Variants in BRINP1 observed in about 807,000 individuals in gnomAD.
BRINP1 encodes the protein BMP/retinoic acid inducible neural specific 1.
In BRINP1, 17 loss-of-function variants were observed where a neutral mutation model predicts 72.9. The ratio of observed to expected loss-of-function variants is 0.23; its 90% confidence interval spans 0.16 to 0.35. BRINP1 has a LOEUF of 0.35. Ranked by LOEUF, BRINP1 falls within the 10% of genes least tolerant of loss-of-function variation. BRINP1 has a pLI of 1.00. For synonymous variants in BRINP1, 418 were observed against 378.5 expected, an observed-to-expected ratio of 1.10 and a Z score of -1.21; for missense variants, 850 against 1,001.6, an observed-to-expected ratio of 0.85 and a Z score of 2.04.
Position 119,214,027 on chromosome 9 carries a change from C to G in BRINP1, c.814G>C (p.Glu272Gln). Reference sequence around the variant, plus strand: ...ATGGGGCAGTTGCACTGCGGAAACTCCTCGGCACATTGGCAGCGACACTGG... The same window carrying G: ...ATGGGGCAGTTGCACTGCGGAAACTGCTCGGCACATTGGCAGCGACACTGG... The part of the protein sequence containing the change: ...NSQCRCQCAE[E>Q]FPQCNCPITD... Residue 272 changes from glutamate to glutamine, a missense_variant, in exon 6 of 8, where the codon GAG (glutamate) becomes CAG (glutamine). Transcript: ENST00000265922. 6.2e-7 allele frequency: 1 copy of G among 1,614,156 alleles called. No homozygotes were observed. Among genetic ancestry groups the G allele is most frequent in the Non-Finnish European group, 8.5e-7 (1 of 1,180,022 alleles).
chr9:119,323,444 T>C (rs190780954), intron 1 of BRINP1, among the ~76,000 whole-genome samples: 1 of 152,264 alleles, frequency 6.6e-6, no homozygotes, highest in Non-Finnish European at 1.5e-5. Context: ...GAGGTTGCTT[T>C]CAATCCTGAC....
At chr9:119,215,599 T>G (rs1829969167) in intron 5 of BRINP1, among the ~76,000 whole-genome samples, 1 of 152,240 alleles carries the variant, frequency 6.6e-6, no homozygotes, top group Non-Finnish European at 1.5e-5. Flanking sequence ...AGGTCAGCAT[T>G]TCTTCCATTT....
intron 7 of BRINP1, among the ~76,000 whole-genome samples, chr9:119,171,789 A>G (rs1335940503): frequency 8.5e-6 from 1 of 117,948 alleles, no homozygotes; most frequent in African/African-American, 3.8e-5. Context: ...TATCTCTCAG[A>G]CCACAGTGCA....
chr9:119,182,198 A>C (rs1829565038), intron 7 of BRINP1, among the ~76,000 whole-genome samples: 1 of 152,386 alleles, frequency 6.6e-6, no homozygotes, highest in Non-Finnish European at 1.5e-5. Context: ...AAATGAAAAA[A>C]GTAAAACAAC....
chr9:119,234,082 T>C (rs1830171068), intron 5 of BRINP1, among the ~76,000 whole-genome samples: 1 of 152,328 alleles, frequency 6.6e-6, no homozygotes, highest in Non-Finnish European at 1.5e-5. Flanking sequence ...GTTGGAGTTA[T>C]TTGAAATAGA....
intron 2 of BRINP1, among the ~76,000 whole-genome samples, chr9:119,268,690 C>A (rs559145465): frequency 8.5e-5 from 13 of 152,276 alleles, no homozygotes; most frequent in Admixed American, 3.9e-4. Context: ...TTCTCCAGGC[C>A]TCGGCCCTTT....
At chr9:119,355,552 C>G (rs1034070158) in intron 1 of BRINP1, among the ~76,000 whole-genome samples, 1 of 151,984 alleles carries the variant, frequency 6.6e-6, no homozygotes, top group Non-Finnish European at 1.5e-5. Context: ...CATGGTAAAA[C>G]CCCATCTCTA....
chr9:119,251,097 G>C (rs910379854), intron 2 of BRINP1, among the ~76,000 whole-genome samples: 2 of 152,184 alleles, frequency 1.3e-5, no homozygotes, highest in Admixed American at 6.5e-5. Context: ...GTCTGTGTCT[G>C]AGTAAGAAAT....
At chr9:119,314,102 C>T (rs1448796716) in intron 1 of BRINP1, among the ~76,000 whole-genome samples, 2 of 152,210 alleles carry the variant, frequency 1.3e-5, no homozygotes, top group Non-Finnish European at 2.9e-5. Flanking sequence ...GTCTCCCAAA[C>T]CCAAAGAAAC....
At chr9:119,276,524 T>C (rs1830659673) in intron 2 of BRINP1, among the ~76,000 whole-genome samples, 1 of 152,222 alleles carries the variant, frequency 6.6e-6, no homozygotes, top group Non-Finnish European at 1.5e-5. Context: ...TATTTGTAAT[T>C]ACTGCAGAAG....
chr9:119,358,031 GCAAAT>G (rs1831586534), intron 1 of BRINP1, among the ~76,000 whole-genome samples: 1 of 152,146 alleles, frequency 6.6e-6, no homozygotes, highest in African/African-American at 2.4e-5. Flanking sequence ...ATATCTTGGG[GCAAAT>G]CCTTTTACCT....
chr9:119,175,497 G>GTATCCCAAAACTTAGAGTA (rs1829477089), intron 7 of BRINP1, among the ~76,000 whole-genome samples: 1 of 151,938 alleles, frequency 6.6e-6, no homozygotes, highest in Non-Finnish European at 1.5e-5. Context: ...TTCTGCACAT[G>GTATCCCAAAACTTAGAGTA]TATCCCAAAA....
intron 7 of BRINP1, among the ~76,000 whole-genome samples, chr9:119,205,265 C>G (rs2118867305): frequency 6.6e-6 from 1 of 152,272 alleles, no homozygotes; most frequent in South Asian, 2.1e-4. Flanking sequence ...GCTCCTACCC[C>G]TCGGTACCTA....
At chr9:119,339,030 G>T (rs2119020959) in intron 1 of BRINP1, among the ~76,000 whole-genome samples, 1 of 152,348 alleles carries the variant, frequency 6.6e-6, no homozygotes, top group Admixed American at 6.5e-5. Context: ...GGCACTAAAT[G>T]AGAGGGGAAG....
intron 7 of BRINP1, among the ~76,000 whole-genome samples, chr9:119,170,509 T>C (rs973050675): frequency 2.3e-4 from 35 of 152,074 alleles, no homozygotes; most frequent in Admixed American, 1.6e-3. Flanking sequence ...ATCTGATTGG[T>C]GTACCTGAAA....
At position 119,184,382 on chromosome 9, in the gene BRINP1, G is replaced by A. The variant is rs78821410; in HGVS notation, c.1146-16158C>T. Among the ~76,000 whole-genome samples the A allele has an allele frequency of 4.7e-3, 712 of 152,200 alleles. 8 individuals carry two copies. The highest frequency in any genetic ancestry group is 0.016 in the African/African-American group (672 of 41,520). ...TTTCCTGCCCATAAATAGAAAGAAA[G>A]TTCCGAAGATATTCTCAGCTAAAAG... On this transcript the variant is annotated intron_variant, in intron 7 of 7. Transcript: ENST00000265922.
At chr9:119,326,695 A>G (rs1015032856) in intron 1 of BRINP1, among the ~76,000 whole-genome samples, 2 of 152,192 alleles carry the variant, frequency 1.3e-5, no homozygotes, top group African/African-American at 2.4e-5. Flanking sequence ...ATTGTAGGCC[A>G]GTTTGCTACA....
intron 5 of BRINP1, among the ~76,000 whole-genome samples, chr9:119,237,808 C>G (rs901880503): frequency 3.3e-5 from 5 of 151,844 alleles, no homozygotes; most frequent in African/African-American, 2.4e-5. Flanking sequence ...ACTATAGGCG[C>G]ACACCACCGC....
chr9:119,307,694 G>A (rs978951481), intron 2 of BRINP1, among the ~76,000 whole-genome samples: 9 of 152,206 alleles, frequency 5.9e-5, no homozygotes, highest in African/African-American at 2.2e-4. Context: ...TACGCAAGCT[G>A]TCAAATTTAA....
Sources: allele counts gnomAD v4.1 joint callset (sites outside exome capture counted in the v4.1 genomes callset), GRCh38; gene constraint gnomAD v4.1.1; transcripts MANE v1.5; gene names NCBI Gene and HGNC (gene_info 2026-07-23, HGNC 2026-07-21).